Variants in OSBP2 observed in about 807,000 individuals in gnomAD.
OSBP2 encodes the protein oxysterol-binding protein 2.
In OSBP2, 66 loss-of-function variants were observed where a neutral mutation model predicts 96.0. That is an observed-to-expected ratio of 0.69 (90% CI 0.56 to 0.84). The LOEUF is 0.84. OSBP2 is among the 40% of genes least tolerant of loss of function. OSBP2 has a pLI of 0.00. For synonymous variants in OSBP2, 525 were observed against 520.9 expected (o/e 1.01, Z -0.11); for missense variants, 1,038 against 1,222.7 (o/e 0.85, Z 2.25).
intron 1 of OSBP2, among the ~76,000 whole-genome samples, chr22:30,730,912 C>T (rs1295254689): frequency 1.3e-5 from 2 of 149,310 alleles, no homozygotes; most frequent in African/African-American, 4.9e-5. Context: ...CGGTGCCTCA[C>T]GCCTGTAATC....
chr22:30,874,404 C>G (rs1335295521), intron 3 of OSBP2, among the ~76,000 whole-genome samples: 2 of 151,868 alleles, frequency 1.3e-5, no homozygotes, highest in East Asian at 1.9e-4. Flanking sequence ...GAGTGAGACT[C>G]TGTCTCAAAA....
intron 12 of OSBP2, among the ~76,000 whole-genome samples, chr22:30,901,998 C>T (rs1235357590): frequency 1.3e-5 from 2 of 151,174 alleles, no homozygotes; most frequent in Non-Finnish European, 2.9e-5. Flanking sequence ...TTGGAAACAA[C>T]ACAAATTTAT....
chr22:30,719,074 C>A (rs993121943), intron 1 of OSBP2, among the ~76,000 whole-genome samples: 1 of 152,134 alleles, frequency 6.6e-6, no homozygotes, highest in Non-Finnish European at 1.5e-5. Context: ...CTTCTAGAGA[C>A]GGGATTAGAG....
chr22:30,836,996 A>G (rs1257714582), intron 2 of OSBP2, among the ~76,000 whole-genome samples: 2 of 152,156 alleles, frequency 1.3e-5, no homozygotes, highest in Non-Finnish European at 2.9e-5. Context: ...CACTCCTGTA[A>G]TCCCAGCACT....
At chr22:30,820,195 C>T (rs1047059728) in intron 2 of OSBP2, among the ~76,000 whole-genome samples, 7 of 152,004 alleles carry the variant, frequency 4.6e-5, no homozygotes, top group African/African-American at 1.7e-4. Context: ...GCCTAGGCAA[C>T]AAAGCAAGAA....
Position 30,694,983 on chromosome 22 carries a change from C to A in OSBP2, c.74C>A (p.Thr25Lys). The A allele has an allele frequency of 6.5e-7, 1 of 1,549,786 alleles. No homozygotes were observed. Among genetic ancestry groups the A allele is most frequent in the African/African-American group, 1.4e-5 (1 of 73,024 alleles). The change falls in exon 1 of 14, where the codon ACG becomes AAG. Residue 25 changes from threonine to lysine, a missense_variant. This residue lies in a region of OSBP2 where 281 missense variants were observed against 273.4 expected (regional missense o/e 1.03). Coordinates refer to ENST00000332585, the MANE Select transcript of OSBP2 (RefSeq NM_030758.4). ...GRSRGLSSLF[T>K]VVPCLSCHTA... ...TCCCGCGGGCTCTCGTCGCTGTTCA[C>A]GGTTGTCCCCTGCCTGTCGTGCCAC...
chr22:30,830,392 G>A (rs956508098), intron 2 of OSBP2, among the ~76,000 whole-genome samples: 1 of 152,234 alleles, frequency 6.6e-6, no homozygotes, highest in Non-Finnish European at 1.5e-5. Flanking sequence ...CCTGGACAGC[G>A]CCCTGGGGCT....
At chr22:30,863,802 C>A (rs1201008412) in intron 2 of OSBP2, among the ~76,000 whole-genome samples, 1 of 152,216 alleles carries the variant, frequency 6.6e-6, no homozygotes, top group Non-Finnish European at 1.5e-5. Flanking sequence ...CAGCCTCCGA[C>A]ACAGCAGCCC....
intron 2 of OSBP2, among the ~76,000 whole-genome samples, chr22:30,826,716 G>A (rs375386572): frequency 6.6e-6 from 1 of 152,308 alleles, no homozygotes; most frequent in Non-Finnish European, 1.5e-5. Flanking sequence ...CCGGCCCACC[G>A]CCTGGAAGTG....
At chr22:30,849,036 G>A (rs566025394) in intron 2 of OSBP2, among the ~76,000 whole-genome samples, 2 of 152,248 alleles carry the variant, frequency 1.3e-5, no homozygotes, top group South Asian at 2.1e-4. Context: ...GGAGGCCAAG[G>A]CAGGGGGATC....
chr22:30,743,029 T>C (rs1254316222), intron 2 of OSBP2, among the ~76,000 whole-genome samples: 1 of 152,122 alleles, frequency 6.6e-6, no homozygotes, highest in Admixed American at 6.5e-5. Context: ...GGTTGAAAAA[T>C]GTGTCTACAC....
rs1390727770 is a variant in OSBP2, at chr22:30,747,908, G to A, written c.853+6539G>A. On this transcript the variant is annotated intron_variant, in intron 2 of 13. Transcript: ENST00000332585. ...TTATTTATTTATATTTTGAGGTGGA[G>A]TCTTGCTCTGTCACCCAGGCTGGAG... Among the ~76,000 whole-genome samples the A allele has an allele frequency of 2.6e-5, 4 of 152,264 alleles. No individual in the cohort carries two copies. In the East Asian group the frequency reaches 7.7e-4, roughly 29 times the overall value.
At chr22:30,778,293 G>A (rs963925507) in intron 2 of OSBP2, among the ~76,000 whole-genome samples, 2 of 134,630 alleles carry the variant, frequency 1.5e-5, no homozygotes, top group Non-Finnish European at 1.6e-5. Context: ...CATACTGCCC[G>A]TGTGCATGTG....
chr22:30,790,841 C>T (rs978613449), intron 2 of OSBP2, among the ~76,000 whole-genome samples: 3 of 152,084 alleles, frequency 2.0e-5, no homozygotes, highest in African/African-American at 4.8e-5. Context: ...TTTGCTTCAT[C>T]GAATCACGTG....
chr22:30,887,454 A>G lies in OSBP2; in HGVS notation c.1136A>G (p.Glu379Gly). Residue 379 changes from glutamate to glycine, a missense_variant, in exon 4 of 14, where the codon GAG becomes GGG. By Grantham distance (98) the Glu-to-Gly change is moderately conservative. Transcript: ENST00000332585. ...NACRDFLELA[E>G]IHSRKWQRAL... ...TGCAGGGACTTCTTGGAACTAGCAG[A>G]GATACACAGTCGGAAATGGCAGCGG... 3 of 1,613,864 alleles carry G rather than the reference A, an allele frequency of 1.9e-6. No homozygotes were observed. The highest frequency in any genetic ancestry group is 2.5e-6 in the Non-Finnish European group (3 of 1,180,006).
intron 1 of OSBP2, among the ~76,000 whole-genome samples, chr22:30,700,685 A>G (rs892051438): frequency 6.6e-6 from 1 of 152,174 alleles, no homozygotes; most frequent in African/African-American, 2.4e-5. Flanking sequence ...TTTATTGTTC[A>G]TACTGATCTC....
intron 2 of OSBP2, among the ~76,000 whole-genome samples, chr22:30,810,672 C>A (rs2090994067): frequency 6.6e-6 from 1 of 152,132 alleles, no homozygotes; most frequent in Non-Finnish European, 1.5e-5. Flanking sequence ...TGTGTCCATT[C>A]TTTGCAGGGC....
At chr22:30,744,725 C>T (rs149866034) in intron 2 of OSBP2, among the ~76,000 whole-genome samples, 8 of 152,152 alleles carry the variant, frequency 5.3e-5, no homozygotes, top group African/African-American at 1.4e-4. Context: ...CACGCCACTA[C>T]ACTTCAGCCT....
intron 2 of OSBP2, among the ~76,000 whole-genome samples, chr22:30,819,033 C>T (rs184833419): frequency 9.9e-4 from 151 of 152,308 alleles, no homozygotes; most frequent in African/African-American, 3.5e-3. Flanking sequence ...AAACCTAGAC[C>T]TGTTCAAAAG....
Sources: gnomAD v4.1 joint callset for allele counts (sites outside exome capture counted in the v4.1 genomes callset) on GRCh38, gnomAD v4.1.1 for gene constraint, gnomAD v4.1.1 regional missense constraint, MANE v1.5 for transcripts, NCBI Gene and HGNC (gene_info 2026-07-23, HGNC 2026-07-21) for gene names.